AUTS2: variants seen among roughly 807,000 people sequenced by gnomAD.
AUTS2 encodes activator of transcription and developmental regulator AUTS2, also known as autism susceptibility gene 2 protein.
AUTS2 carries 17 observed loss-of-function variants against 112.4 expected under a neutral mutation model. The observed-to-expected ratio is 0.15, with a 90% CI of 0.10 to 0.23. The LOEUF is 0.23. Ranked by LOEUF, AUTS2 falls within the 10% of genes least tolerant of loss-of-function variation. AUTS2 has a pLI of 1.00. For synonymous variants in AUTS2, 751 were observed against 702.7 expected (o/e 1.07, Z -1.09); for missense variants, 1,510 against 1,701.6 (o/e 0.89, Z 1.98).
chr7:70,029,793 A>G (rs1800695619), intron 2 of AUTS2, among the ~76,000 whole-genome samples: 1 of 152,204 alleles, frequency 6.6e-6, no homozygotes, highest in Non-Finnish European at 1.5e-5. Context: ...TGCTGGTCAT[A>G]TTATCTGTGT....
At chr7:70,236,808 C>T (rs1812352562) in intron 4 of AUTS2, among the ~76,000 whole-genome samples, 1 of 152,150 alleles carries the variant, frequency 6.6e-6, no homozygotes, top group South Asian at 2.1e-4. Flanking sequence ...CCCCTCATTG[C>T]CATCCCACTT....
At chr7:69,868,652 C>T (rs181571729) in intron 1 of AUTS2, among the ~76,000 whole-genome samples, 264 of 152,284 alleles carry the variant, frequency 1.7e-3, no homozygotes, top group African/African-American at 6.0e-3. Context: ...CCTGTGCATA[C>T]GTTCTGATTT....
intron 2 of AUTS2, among the ~76,000 whole-genome samples, chr7:70,028,070 C>G (rs376767723): frequency 5.7e-4 from 86 of 151,186 alleles, no homozygotes; most frequent in African/African-American, 2.0e-3. Context: ...GTCCGCCCCC[C>G]CCACCCTCAT....
intron 1 of AUTS2, among the ~76,000 whole-genome samples, chr7:69,852,443 T>C (rs1339346762): frequency 1.3e-5 from 2 of 151,830 alleles, no homozygotes; most frequent in African/African-American, 2.4e-5. Context: ...TTTTCTTTTC[T>C]TTTTTTTCGA....
At chr7:69,717,875 T>G (rs920361629) in intron 1 of AUTS2, among the ~76,000 whole-genome samples, 2 of 152,154 alleles carry the variant, frequency 1.3e-5, no homozygotes, top group African/African-American at 4.8e-5. Context: ...GTTTTACTCA[T>G]TGGATGGGAT....
At chr7:70,595,954 CGCGCGCTCTGCCT>C (rs559557216) in intron 5 of AUTS2, 7 of 152,214 alleles carry the variant, frequency 4.6e-5, no homozygotes, top group Non-Finnish European at 8.8e-5. Context: ...TCAGAAGCTG[CGCGCGCTCTGCCT>C]GCGCGCTTTG....
chr7:69,694,799 T>C (rs1797485672), intron 1 of AUTS2, among the ~76,000 whole-genome samples: 2 of 152,226 alleles, frequency 1.3e-5, no homozygotes, highest in Non-Finnish European at 1.5e-5. Flanking sequence ...AAGGTGGCCT[T>C]ACTATTTATA....
chr7:70,429,752 T>G (rs977206690), intron 4 of AUTS2, among the ~76,000 whole-genome samples: 20 of 152,232 alleles, frequency 1.3e-4, no homozygotes, highest in African/African-American at 4.8e-4. Context: ...TATTTGTTTT[T>G]CTTTTTCATT....
At chr7:70,586,301 A>C (rs1802687227) in intron 5 of AUTS2, among the ~76,000 whole-genome samples, 1 of 152,182 alleles carries the variant, frequency 6.6e-6, no homozygotes, top group African/African-American at 2.4e-5. Context: ...AGATATCTGA[A>C]ATATATATTT....
intron 4 of AUTS2, among the ~76,000 whole-genome samples, chr7:70,372,445 A>G (rs1366791064): frequency 2.0e-5 from 3 of 152,180 alleles, no homozygotes; most frequent in African/African-American, 7.2e-5. Flanking sequence ...CACTGGTTGT[A>G]TTTAGTCTCA....
intron 4 of AUTS2, among the ~76,000 whole-genome samples, chr7:70,237,986 G>C (rs1405661978): frequency 1.3e-5 from 2 of 152,148 alleles, no homozygotes; most frequent in Non-Finnish European, 2.9e-5. Flanking sequence ...GTAATTCATA[G>C]TGCTCTATTG....
intron 1 of AUTS2, among the ~76,000 whole-genome samples, chr7:69,730,994 G>C (rs1291923022): frequency 4.6e-5 from 7 of 152,162 alleles, no homozygotes. Context: ...ATAGATAGTG[G>C]TTAAAAAACA....
In AUTS2 at chr7:70,790,090, G is replaced by A. The variant is rs1307033485; in HGVS notation, c.2874G>A (p.Ser958=). The change falls in exon 19 of 19, where the codon TCG becomes TCA. Residue 958 remains serine, a synonymous_variant. Transcript: ENST00000342771. The surrounding 1 kb of genome is among the most constrained non-coding windows in gnomAD (Gnocchi z 7.6). ...AGAGTGCCAGGCCCAACAGCACCTCGAGCCGGGAGGCCGAGCCGCGCAAGG... is the reference window on the plus strand; with the variant it reads ...AGAGTGCCAGGCCCAACAGCACCTCAAGCCGGGAGGCCGAGCCGCGCAAGG... The part of the protein sequence containing the change: ...VVESARPNST[S]SREAEPRKGE... 10 of 1,580,092 alleles carry A rather than the reference G, an allele frequency of 6.3e-6. No individual in the cohort carries two copies. The highest frequency in any genetic ancestry group is 7.7e-6 in the Non-Finnish European group (9 of 1,165,368).
At chr7:70,452,978 G>T (rs1366068288) in intron 5 of AUTS2, among the ~76,000 whole-genome samples, 2 of 152,072 alleles carry the variant, frequency 1.3e-5, no homozygotes, top group Non-Finnish European at 2.9e-5. Context: ...ATCTTCTCCA[G>T]CCTCCTGGGC....
intron 1 of AUTS2, among the ~76,000 whole-genome samples, chr7:69,813,359 TG>T (rs1458681156): frequency 6.6e-6 from 1 of 152,138 alleles, no homozygotes; most frequent in Non-Finnish European, 1.5e-5. Context: ...GTTGGAATTG[TG>T]AATAAGCATT....
At chr7:70,659,806 G>A (rs1353457110) in intron 5 of AUTS2, among the ~76,000 whole-genome samples, 2 of 152,152 alleles carry the variant, frequency 1.3e-5, no homozygotes, top group East Asian at 3.9e-4. Context: ...GGAAAATATG[G>A]CCAAGGGGAA....
At chr7:70,367,072 G>A (rs1012607530) in intron 4 of AUTS2, among the ~76,000 whole-genome samples, 1 of 152,062 alleles carries the variant, frequency 6.6e-6, no homozygotes, top group Middle Eastern at 3.2e-3. Context: ...ATCACTTAAG[G>A]CCAGGAGTTT....
intron 1 of AUTS2, among the ~76,000 whole-genome samples, chr7:69,727,562 C>A (rs931672426): frequency 6.6e-5 from 10 of 151,970 alleles, no homozygotes; most frequent in Admixed American, 4.6e-4. Flanking sequence ...TGCACTCCAG[C>A]CTGGGAGACA....
chr7:69,910,468 C>A (rs982642408), intron 2 of AUTS2, among the ~76,000 whole-genome samples: 4 of 152,070 alleles, frequency 2.6e-5, no homozygotes, highest in African/African-American at 4.8e-5. Flanking sequence ...CAAGACTGGG[C>A]AATTTATAAA....
Sources: gnomAD v4.1 joint callset for allele counts (sites outside exome capture counted in the v4.1 genomes callset) on GRCh38, gnomAD v4.1.1 for gene constraint, Gnocchi (gnomAD v3.1) non-coding constraint, MANE v1.5 for transcripts, NCBI Gene and HGNC (gene_info 2026-07-23, HGNC 2026-07-21) for gene names.